KLHL29: variants seen among roughly 807,000 people sequenced by gnomAD.
KLHL29 encodes kelch-like protein 29.
In KLHL29, 21 loss-of-function variants were observed where a neutral mutation model predicts 80.4. That is an observed-to-expected ratio of 0.26 (90% CI 0.19 to 0.38). The LOEUF is 0.38. Ranked by LOEUF, KLHL29 falls within the 10% of genes least tolerant of loss-of-function variation. The probability of loss-of-function intolerance (pLI) is 1.00; values close to 1 mark genes in which losing one functional copy is unlikely to be tolerated. For synonymous variants in KLHL29, 511 were observed against 526.8 expected (o/e 0.97, Z 0.41); for missense variants, 867 against 1,223.9 (o/e 0.71, Z 4.35).
At chr2:23,549,032 G>T (rs892732681) in intron 2 of KLHL29, among the ~76,000 whole-genome samples, 1 of 152,196 alleles carries the variant, frequency 6.6e-6, no homozygotes, top group Admixed American at 6.5e-5. Context: ...GTGGGTAGGG[G>T]GATGTCTTCA....
intron 2 of KLHL29, among the ~76,000 whole-genome samples, chr2:23,545,471 C>T (rs1041628511): frequency 6.6e-6 from 1 of 152,208 alleles, no homozygotes; most frequent in Non-Finnish European, 1.5e-5. Context: ...TGCCTGTTTG[C>T]AGCTGGGTAA....
chr2:23,411,329 G>A (rs1257390937), intron 1 of KLHL29, among the ~76,000 whole-genome samples: 1 of 151,524 alleles, frequency 6.6e-6, no homozygotes, highest in Non-Finnish European at 1.5e-5. Flanking sequence ...TTGTGGGAAT[G>A]TGAAGTAGTT....
intron 3 of KLHL29, among the ~76,000 whole-genome samples, chr2:23,611,186 A>C (rs1436227277): frequency 6.6e-6 from 1 of 152,206 alleles, no homozygotes; most frequent in East Asian, 1.9e-4. Flanking sequence ...GTGAGCTGCT[A>C]TTCGATTCGG....
intron 3 of KLHL29, among the ~76,000 whole-genome samples, chr2:23,582,069 AAG>A (rs1558396725): frequency 6.6e-6 from 1 of 152,094 alleles, no homozygotes; most frequent in Non-Finnish European, 1.5e-5. Flanking sequence ...TCTAGGAGCA[AAG>A]GCAGTGCTCA....
intron 4 of KLHL29, among the ~76,000 whole-genome samples, chr2:23,641,819 A>G (rs1669777988): frequency 6.6e-6 from 1 of 152,138 alleles, no homozygotes; most frequent in Non-Finnish European, 1.5e-5. Context: ...CCCCATCTCT[A>G]CTAAAAATAC....
Position 23,385,335 on chromosome 2 carries a change from G to C in KLHL29, c.-599G>C, listed in dbSNP as rs1393179461. The C allele has an allele frequency of 6.9e-6, 1 of 145,964 alleles. No homozygotes were observed. Among genetic ancestry groups the C allele is most frequent in the East Asian group, 2.0e-4 (1 of 4,946 alleles). 9.0% of individuals were successfully genotyped at this position (145,964 alleles called of 1,614,324 possible). On this transcript the variant is annotated 5_prime_UTR_variant, in exon 1 of 14. Coordinates refer to ENST00000486442, the MANE Select transcript of KLHL29 (RefSeq NM_052920.2). ...CGCAGCGCCCGTCCGCAGCCCCGGCGGTCGCCGCGCTTGAGCGCAGCCCCC... is the reference window on the plus strand; with the variant it reads ...CGCAGCGCCCGTCCGCAGCCCCGGCCGTCGCCGCGCTTGAGCGCAGCCCCC...
intron 1 of KLHL29, among the ~76,000 whole-genome samples, chr2:23,438,741 A>G (rs1017239909): frequency 4.6e-5 from 7 of 151,916 alleles, no homozygotes; most frequent in Admixed American, 2.6e-4. Context: ...TTTTGCATCA[A>G]TGTTCATCAA....
chr2:23,392,190 G>T (rs752566013), intron 1 of KLHL29, among the ~76,000 whole-genome samples: 11 of 152,210 alleles, frequency 7.2e-5, no homozygotes, highest in Non-Finnish European at 1.5e-4. Flanking sequence ...AGCTGTGGAA[G>T]AAGAGACAGC....
rs1669806576 is a variant in KLHL29, at chr2:23,642,748, G to A, written c.838G>A (p.Ala280Thr). The A allele has an allele frequency of 1.9e-6, 3 of 1,550,262 alleles. No homozygotes were observed. In the African/African-American group the frequency reaches 4.1e-5, roughly 21 times the overall value. The part of the protein sequence containing the change: ...PSATLPSGAP[A>T]TNGPPTTDSA... ...CGCCACTCTCCCCAGTGGTGCCCCT[G>A]CCACCAATGGGCCCCCCACAACCGA... Residue 280 changes from alanine (A) to threonine (T), a missense_variant, in exon 5 of 14, where the codon GCC (alanine) becomes ACC (threonine). Physicochemically the swap from Ala to Thr is moderately conservative, Grantham distance 58. Coordinates refer to ENST00000486442, the MANE Select transcript of KLHL29 (RefSeq NM_052920.2).
chr2:23,435,901 T>A (rs890622061), intron 1 of KLHL29, among the ~76,000 whole-genome samples: 1 of 143,510 alleles, frequency 7.0e-6, no homozygotes. Context: ...CTCTCTCTCT[T>A]TTTTTTTTTT....
chr2:23,474,484 A>G (rs920776955), intron 1 of KLHL29, among the ~76,000 whole-genome samples: 11 of 152,238 alleles, frequency 7.2e-5, no homozygotes, highest in African/African-American at 2.7e-4. Flanking sequence ...TCAAAATTAA[A>G]TGGCGACCTT....
chr2:23,697,545 C>T (rs1572522614), intron 11 of KLHL29: 1 of 152,302 alleles, frequency 6.6e-6, no homozygotes, highest in Non-Finnish European at 1.5e-5. Flanking sequence ...TGAAGCCACA[C>T]ATACCCCTCA....
At chr2:23,570,418 C>A (rs772188394) in intron 3 of KLHL29, among the ~76,000 whole-genome samples, 2 of 152,202 alleles carry the variant, frequency 1.3e-5, no homozygotes, top group African/African-American at 4.8e-5. Flanking sequence ...GGTGGCTGTT[C>A]GTTGCAGTCC....
chr2:23,531,957 A>T (rs958318773), intron 2 of KLHL29, among the ~76,000 whole-genome samples: 15 of 152,068 alleles, frequency 9.9e-5, no homozygotes, highest in South Asian at 2.1e-4. Context: ...AGTCGCCACG[A>T]CTCCCAAGTG....
At chr2:23,470,392 G>A (rs984888418) in intron 1 of KLHL29, among the ~76,000 whole-genome samples, 1 of 152,216 alleles carries the variant, frequency 6.6e-6, no homozygotes, top group Non-Finnish European at 1.5e-5. Flanking sequence ...CCTGGAATGG[G>A]AGGCACAAAA....
intron 6 of KLHL29, among the ~76,000 whole-genome samples, chr2:23,686,567 A>G (rs1389668850): frequency 2.0e-5 from 3 of 152,164 alleles, no homozygotes; most frequent in Admixed American, 1.3e-4. Flanking sequence ...CCAGGACCCA[A>G]GGAGGTGAGG....
intron 3 of KLHL29, chr2:23,617,092 G>T (rs1165139619): frequency 1.3e-5 from 2 of 152,174 alleles, no homozygotes; most frequent in Non-Finnish European, 2.9e-5. Context: ...GTTCTGAAGG[G>T]TTTCCATTTT....
chr2:23,541,597 A>G (rs2103483848), intron 2 of KLHL29, among the ~76,000 whole-genome samples: 1 of 152,344 alleles, frequency 6.6e-6, no homozygotes, highest in South Asian at 2.1e-4. Context: ...TTGTAGCTGG[A>G]AGGTAAGACA....
In KLHL29 at chr2:23,682,598, G is replaced by A. The variant is rs899651486; in HGVS notation, c.941-1801G>A. ...GGCAAGACTGTTGCGATCTGGCCCC[G>A]CCCACCGCCTCATTGTGTTCCCTGT... is the stretch of plus-strand genomic sequence containing the variant. On this transcript the variant is annotated intron_variant, in intron 5 of 13. Coordinates refer to ENST00000486442, the MANE Select transcript of KLHL29 (RefSeq NM_052920.2). The surrounding 1 kb of genome is among the most constrained non-coding windows in gnomAD (Gnocchi z 4.1). Among the ~76,000 whole-genome samples, 1 of 152,020 alleles carries A rather than the reference G, an allele frequency of 6.6e-6. No individual in the cohort carries two copies. Among genetic ancestry groups the A allele is most frequent in the African/African-American group, 2.4e-5 (1 of 41,394 alleles).
Sources: gnomAD v4.1 joint callset for allele counts (sites outside exome capture counted in the v4.1 genomes callset) on GRCh38, gnomAD v4.1.1 for gene constraint, Gnocchi (gnomAD v3.1) non-coding constraint, MANE v1.5 for transcripts, NCBI Gene and HGNC (gene_info 2026-07-23, HGNC 2026-07-21) for gene names.